The following LRP1B variants were observed in gnomAD, a reference collection of about 807,000 sequenced individuals.
The protein encoded by LRP1B is LDL receptor related protein 1B, also known as low-density lipoprotein receptor-related protein 1B.
In LRP1B, 217 loss-of-function variants were observed where a neutral mutation model predicts 556.6. That is an observed-to-expected ratio of 0.39 (90% confidence interval 0.35 to 0.44). The LOEUF (loss-of-function observed/expected upper bound fraction) is 0.44, where lower values mean the gene tolerates loss of function less well. Ranked by LOEUF, LRP1B falls within the 20% of genes least tolerant of loss-of-function variation. LRP1B has a pLI of 1.00. For missense variants in LRP1B, 5,053 were observed against 5,620.8 expected (o/e 0.90, Z 3.23); for synonymous variants, 2,047 against 1,865.8 (o/e 1.10, Z -2.50).
intron 1 of LRP1B, among the ~76,000 whole-genome samples, chr2:141,842,665 C>G (rs753169931): frequency 3.6e-4 from 54 of 152,064 alleles, no homozygotes; most frequent in Non-Finnish European, 6.5e-4. Flanking sequence ...TTTTATCACA[C>G]AGCAAATCAA....
At chr2:140,350,395 A>G (rs1449853465) in intron 77 of LRP1B, among the ~76,000 whole-genome samples, 1 of 152,028 alleles carries the variant, frequency 6.6e-6, no homozygotes, top group Admixed American at 6.6e-5. Flanking sequence ...TATATTTATG[A>G]TAATGTAAGA....
chr2:140,645,675 G>A (rs1175769516), intron 41 of LRP1B, among the ~76,000 whole-genome samples: 4 of 151,212 alleles, frequency 2.6e-5, no homozygotes, highest in African/African-American at 4.9e-5. Flanking sequence ...GAGTAGCTGG[G>A]ACTACAGGCA....
intron 45 of LRP1B, among the ~76,000 whole-genome samples, chr2:140,539,369 C>T (rs1349897339): frequency 6.6e-6 from 1 of 152,088 alleles, no homozygotes; most frequent in East Asian, 1.9e-4. Flanking sequence ...TGCTGGGCTA[C>T]AGGATTTCAA....
At chr2:141,431,415 C>T (rs1680559807) in intron 3 of LRP1B, among the ~76,000 whole-genome samples, 1 of 152,150 alleles carries the variant, frequency 6.6e-6, no homozygotes, top group Non-Finnish European at 1.5e-5. Context: ...CTTACAGCCA[C>T]ACAGGAATAA....
intron 1 of LRP1B, among the ~76,000 whole-genome samples, chr2:141,813,989 G>T (rs1696444679): frequency 6.6e-6 from 1 of 152,144 alleles, no homozygotes; most frequent in Admixed American, 6.6e-5. Flanking sequence ...CAAGTCTCAG[G>T]AAGACACAGG....
At chr2:140,809,205 T>C (rs114336938) in intron 32 of LRP1B, among the ~76,000 whole-genome samples, 5,505 of 152,190 alleles carry the variant, frequency 0.036, 127 homozygotes, top group Non-Finnish European at 0.053. Context: ...ACAGCTTTCA[T>C]AGCTAGCCTA....
intron 7 of LRP1B, among the ~76,000 whole-genome samples, chr2:141,076,154 G>T (rs1525588): frequency 0.85 from 128,844 of 152,182 alleles, 54,913 homozygotes; most frequent in Non-Finnish European, 0.89. Flanking sequence ...AGGCAGGAAT[G>T]CAGTATCAAC....
chr2:140,586,879 T>A (rs1682006427), intron 43 of LRP1B, among the ~76,000 whole-genome samples: 1 of 151,774 alleles, frequency 6.6e-6, no homozygotes. Context: ...AAATCACAAC[T>A]AATAGATGCC....
chr2:141,512,266 T>C (rs1204158262), intron 2 of LRP1B, among the ~76,000 whole-genome samples: 1 of 152,110 alleles, frequency 6.6e-6, no homozygotes, highest in African/African-American at 2.4e-5. Context: ...GTGAGTATTG[T>C]CATACTAATA....
At chr2:141,192,939 G>C (rs978772791) in intron 6 of LRP1B, among the ~76,000 whole-genome samples, 2 of 151,908 alleles carry the variant, frequency 1.3e-5, no homozygotes, top group African/African-American at 4.8e-5. Context: ...ATTCAGAAAA[G>C]AGTTTAAAAA....
At chr2:141,348,807 G>A (rs1205668729) in intron 3 of LRP1B, among the ~76,000 whole-genome samples, 2 of 152,100 alleles carry the variant, frequency 1.3e-5, no homozygotes, top group South Asian at 2.1e-4. Flanking sequence ...TGCTGTGGGA[G>A]GGACCTGGTG....
chr2:141,920,934 A>G (rs1359680820), intron 1 of LRP1B, among the ~76,000 whole-genome samples: 2 of 152,022 alleles, frequency 1.3e-5, no homozygotes, highest in African/African-American at 4.8e-5. Context: ...TGACATTATC[A>G]GAATGTAAGA....
In LRP1B at chr2:141,402,657, C is replaced by T. The variant is rs75438827; in HGVS notation, c.343+77739G>A. On this transcript the variant is annotated intron_variant, in intron 3 of 90. Transcript: ENST00000389484. ...TGCACACTGGTGATTTTGTTATATTCTTATAGATACAATCAAAAAACTTGC... is the reference window on the plus strand; with the variant it reads ...TGCACACTGGTGATTTTGTTATATTTTTATAGATACAATCAAAAAACTTGC... Among the ~76,000 whole-genome samples the T allele has an allele frequency of 8.9e-4, 136 of 152,000 alleles. 2 individuals carry two copies. The East Asian group carries it at 0.026, about 29-fold the overall frequency.
intron 41 of LRP1B, among the ~76,000 whole-genome samples, chr2:140,695,961 T>G (rs112420387): frequency 6.6e-6 from 1 of 152,202 alleles, no homozygotes; most frequent in African/African-American, 2.4e-5. Flanking sequence ...ATCCCATCCA[T>G]TTCTTATATT....
At chr2:141,198,482 C>T (rs987994688) in intron 6 of LRP1B, among the ~76,000 whole-genome samples, 4 of 152,114 alleles carry the variant, frequency 2.6e-5, no homozygotes, top group Non-Finnish European at 5.9e-5. Flanking sequence ...CAAAGCTCTA[C>T]ATAGAACCTG....
intron 1 of LRP1B, among the ~76,000 whole-genome samples, chr2:141,956,441 C>G (rs1464239406): frequency 1.3e-5 from 2 of 151,780 alleles, no homozygotes; most frequent in Non-Finnish European, 2.9e-5. Flanking sequence ...GGTCTTTTTC[C>G]TACTTAATTT....
At chr2:141,547,427 T>C (rs894249800) in intron 2 of LRP1B, among the ~76,000 whole-genome samples, 1 of 128,920 alleles carries the variant, frequency 7.8e-6, no homozygotes, top group Non-Finnish European at 1.7e-5. Context: ...AAAACAATTA[T>C]CTGGACATGT....
chr2:141,721,215 T>C (rs1402935260), intron 2 of LRP1B, among the ~76,000 whole-genome samples: 1 of 152,202 alleles, frequency 6.6e-6, no homozygotes, highest in African/African-American at 2.4e-5. Flanking sequence ...GTTCCTTTAT[T>C]TAATTCCAAT....
chr2:141,046,011 A>G (rs1398444996), intron 11 of LRP1B, among the ~76,000 whole-genome samples: 1 of 152,124 alleles, frequency 6.6e-6, no homozygotes, highest in Admixed American at 6.6e-5. Context: ...TTCACCCATG[A>G]GATTCCTCAA....
Sources: gnomAD v4.1 joint callset for allele counts (sites outside exome capture counted in the v4.1 genomes callset) on GRCh38, gnomAD v4.1.1 for gene constraint, MANE v1.5 for transcripts, NCBI Gene and HGNC (gene_info 2026-07-23, HGNC 2026-07-21) for gene names.